SORCS2: variants seen among roughly 807,000 people sequenced by gnomAD.
SORCS2 encodes VPS10 domain-containing receptor SorCS2.
SORCS2 carries 100 observed loss-of-function variants against 141.6 expected under a neutral mutation model. The ratio of observed to expected loss-of-function variants is 0.71; its 90% CI spans 0.60 to 0.83. SORCS2 has a LOEUF of 0.83. Among genes scored for constraint, SORCS2 ranks in the 40% least tolerant of loss-of-function variants. The probability of loss-of-function intolerance (pLI) is 0.00; values close to 1 mark genes in which losing one functional copy is unlikely to be tolerated. For synonymous variants in SORCS2, 789 were observed against 676.9 expected, an observed-to-expected ratio of 1.17 and a Z score of -2.57; for missense variants, 1,646 against 1,560.2, an observed-to-expected ratio of 1.05 and a Z score of -0.93.
intron 8 of SORCS2, among the ~76,000 whole-genome samples, chr4:7,667,667 A>C (rs1033898408): frequency 6.6e-6 from 1 of 151,488 alleles, no homozygotes; most frequent in Admixed American, 6.6e-5. Context: ...TGCTGTACTC[A>C]CCTCTGCATT....
chr4:7,322,616 C>G (rs1718967277), intron 1 of SORCS2, among the ~76,000 whole-genome samples: 1 of 152,172 alleles, frequency 6.6e-6, no homozygotes, highest in African/African-American at 2.4e-5. Context: ...GGCGCAGACA[C>G]CCTGAGAGGC....
Position 7,602,477 on chromosome 4 carries a change from G to A in SORCS2, c.649-35851G>A, listed in dbSNP as rs527237999. ...CAGAGGCGCTCCTCACATCCCAGAC[G>A]GGGCGGCGGGGCAGAGGCGCTCCCC... On this transcript the variant is annotated intron_variant, in intron 3 of 26. Transcript: ENST00000507866. Among the ~76,000 whole-genome samples, 23 of 151,560 alleles carry A rather than the reference G, an allele frequency of 1.5e-4. No homozygotes were observed. The East Asian group carries it at 3.7e-3, about 24-fold the overall frequency.
intron 2 of SORCS2, among the ~76,000 whole-genome samples, chr4:7,414,736 A>G (rs1035734348): frequency 6.6e-6 from 1 of 152,240 alleles, no homozygotes; most frequent in African/African-American, 2.4e-5. Context: ...ACCAGGTGCA[A>G]GGTTCTAAAT....
At chr4:7,594,401 A>G (rs1049430691) in intron 3 of SORCS2, among the ~76,000 whole-genome samples, 1 of 152,262 alleles carries the variant, frequency 6.6e-6, no homozygotes, top group East Asian at 1.9e-4. Flanking sequence ...CTCAGCACAC[A>G]CACATAGCCA....
chr4:7,386,406 TACACACGC>T (rs1723319766), intron 1 of SORCS2, among the ~76,000 whole-genome samples: 1 of 97,772 alleles, frequency 1.0e-5, no homozygotes, highest in Non-Finnish European at 1.9e-5. Flanking sequence ...TACACATATG[TACACACGC>T]ACACATGCAC....
At chr4:7,500,581 G>A (rs1731902566) in intron 2 of SORCS2, among the ~76,000 whole-genome samples, 1 of 130,504 alleles carries the variant, frequency 7.7e-6, no homozygotes, top group Non-Finnish European at 1.5e-5. Flanking sequence ...AATAACCACA[G>A]AAAGCACCAG....
chr4:7,403,920 C>T (rs368583017), intron 2 of SORCS2, among the ~76,000 whole-genome samples: 1 of 138,428 alleles, frequency 7.2e-6, no homozygotes, highest in Non-Finnish European at 1.5e-5. Flanking sequence ...CATCACAATT[C>T]CAAGTCTCCA....
At chr4:7,253,004 C>A (rs772198402) in intron 1 of SORCS2, among the ~76,000 whole-genome samples, 4 of 152,250 alleles carry the variant, frequency 2.6e-5, no homozygotes, top group Non-Finnish European at 4.4e-5. Context: ...GGGACAGAGG[C>A]CACAGCTTGG....
chr4:7,623,711 C>T (rs952189457), intron 3 of SORCS2, among the ~76,000 whole-genome samples: 1 of 152,178 alleles, frequency 6.6e-6, no homozygotes, highest in African/African-American at 2.4e-5. Context: ...CCCCACTCCC[C>T]CTCTTGTTCA....
In SORCS2 at chr4:7,592,254, T is replaced by A. The variant is rs556721788; in HGVS notation, c.649-46074T>A. Among the ~76,000 whole-genome samples the A allele has an allele frequency of 1.1e-3, 169 of 152,036 alleles. 1 individual carries two copies. The highest frequency in any genetic ancestry group is 3.9e-3 in the African/African-American group (162 of 41,492). The stretch of plus-strand genomic sequence containing the variant: ...TCCACAGCTGCTGCTCTAATTATTA[T>A]TATTTTTTTTAACAAATCCAGGCTG... On this transcript the variant is annotated intron_variant, in intron 3 of 26. Coordinates refer to ENST00000507866, the MANE Select transcript of SORCS2 (RefSeq NM_020777.3).
intron 2 of SORCS2, among the ~76,000 whole-genome samples, chr4:7,429,539 C>A (rs4458454): frequency 0.86 from 130,964 of 152,278 alleles, 56,458 homozygotes; most frequent in East Asian, 0.94. Context: ...AATGCATTTT[C>A]AGAGGCTAGC....
chr4:7,312,258 G>T (rs1222334847), intron 1 of SORCS2, among the ~76,000 whole-genome samples: 1 of 152,312 alleles, frequency 6.6e-6, no homozygotes, highest in Non-Finnish European at 1.5e-5. Flanking sequence ...GTTTTTGTCT[G>T]TGCATTGTGC....
intron 1 of SORCS2, among the ~76,000 whole-genome samples, chr4:7,356,061 C>T (rs1721233733): frequency 6.6e-6 from 1 of 152,228 alleles, no homozygotes; most frequent in Admixed American, 6.5e-5. Flanking sequence ...GCCTTTGCAC[C>T]AGCTGTTTGG....
rs1014495845 is a variant in SORCS2, at chr4:7,741,171, T to C, written c.*907T>C. On this transcript the variant is annotated 3_prime_UTR_variant, in exon 27 of 27. Transcript: ENST00000507866. The stretch of plus-strand genomic sequence containing the variant: ...GGTGGGTGGTGGAGACGGCACCAGA[T>C]GTACCAGTTTTCTGCAGTTCCTTAT... The C allele has an allele frequency of 4.0e-5, 16 of 398,458 alleles. No homozygotes were observed. Among genetic ancestry groups the C allele is most frequent in the Non-Finnish European group, 7.1e-5 (16 of 226,086 alleles). The allele number at this position is 398,458 out of a possible 1,614,324, so 24.7% of individuals were successfully genotyped here. A position where few individuals can be genotyped will look rare whatever the true frequency, so the allele number is the denominator to read the frequency against.
intron 24 of SORCS2, 92 bp downstream of exon 24, chr4:7,733,513 C>A: frequency 9.9e-7 from 1 of 1,012,752 alleles, no homozygotes; most frequent in Non-Finnish European, 1.4e-6. Context: ...GGGCAGATGG[C>A]CCGTATCCCC....
chr4:7,617,299 A>C (rs1009989514), intron 3 of SORCS2, among the ~76,000 whole-genome samples: 3 of 151,878 alleles, frequency 2.0e-5, no homozygotes, highest in African/African-American at 7.3e-5. Context: ...CCACCTATCC[A>C]TGTGCCATTG....
At chr4:7,579,667 G>A (rs751421249) in intron 3 of SORCS2, among the ~76,000 whole-genome samples, 1 of 152,188 alleles carries the variant, frequency 6.6e-6, no homozygotes, top group Non-Finnish European at 1.5e-5. Context: ...GACACTGAAT[G>A]TACTTTCAGT....
chr4:7,686,060 G>A (rs993387349), intron 10 of SORCS2, among the ~76,000 whole-genome samples: 7 of 152,196 alleles, frequency 4.6e-5, no homozygotes, highest in East Asian at 3.9e-4. Context: ...CCACACGTGC[G>A]TGATTTTTCA....
chr4:7,403,690 G>T (rs954129764), intron 2 of SORCS2, among the ~76,000 whole-genome samples: 1 of 151,502 alleles, frequency 6.6e-6, no homozygotes, highest in African/African-American at 2.4e-5. Context: ...CCAGGAGAAG[G>T]TTACACAACA....
Sources: allele counts gnomAD v4.1 joint callset (sites outside exome capture counted in the v4.1 genomes callset), GRCh38; gene constraint gnomAD v4.1.1; transcripts MANE v1.5; gene names NCBI Gene and HGNC (gene_info 2026-07-23, HGNC 2026-07-21).